Variants in ARMH3 observed in about 807,000 individuals in gnomAD.
ARMH3 encodes the protein armadillo like helical domain containing 3, also known as armadillo-like helical domain-containing protein 3.
In ARMH3, 60 loss-of-function variants were observed where a neutral mutation model predicts 99.1. The ratio of observed to expected loss-of-function variants is 0.61; its 90% CI spans 0.49 to 0.75. The LOEUF is 0.75. ARMH3 is among the 30% of genes least tolerant of loss of function. ARMH3 has a pLI of 0.00. For missense variants in ARMH3, 679 were observed against 843.1 expected, an observed-to-expected ratio of 0.81 and a Z score of 2.41; for synonymous variants, 285 against 292.8, an observed-to-expected ratio of 0.97 and a Z score of 0.27.
At chr10:102,054,344 A>T (rs1463426584) in intron 1 of ARMH3, among the ~76,000 whole-genome samples, 1 of 151,640 alleles carries the variant, frequency 6.6e-6, no homozygotes, top group Non-Finnish European at 1.5e-5. Context: ...AGCCAAGATC[A>T]TGCCACTGCA....
intron 1 of ARMH3, among the ~76,000 whole-genome samples, chr10:102,054,366 G>A (rs1386696110): frequency 6.6e-6 from 1 of 150,926 alleles, no homozygotes; most frequent in East Asian, 1.9e-4. Context: ...TCCAGCCTGG[G>A]CGACAGAGCG....
chr10:101,956,740 G>A lies in ARMH3; in HGVS notation c.1579-17C>T. The A allele has an allele frequency of 6.2e-7, 1 of 1,611,286 alleles. No homozygotes were observed. Among genetic ancestry groups the A allele is most frequent in the East Asian group, 2.2e-5 (1 of 44,810 alleles). On this transcript the variant is annotated splice_polypyrimidine_tract_variant and intron_variant, in intron 21 of 25. Coordinates refer to ENST00000370033, the MANE Select transcript of ARMH3 (RefSeq NM_024541.3). Reference sequence around the variant, plus strand: ...GTTCACAATCTAAAAAAGAAGGAAAGGCCCATATATAGGCATCAGGCTATG... The same window carrying A: ...GTTCACAATCTAAAAAAGAAGGAAAAGCCCATATATAGGCATCAGGCTATG...
At chr10:101,916,046 C>A (rs541000708) in intron 23 of ARMH3, among the ~76,000 whole-genome samples, 1 of 152,050 alleles carries the variant, frequency 6.6e-6, no homozygotes, top group Admixed American at 6.6e-5. Flanking sequence ...CCTCGTGATC[C>A]GCCCGCCCCG....
At chr10:102,042,559 A>G (rs2067447962) in intron 1 of ARMH3, among the ~76,000 whole-genome samples, 1 of 152,232 alleles carries the variant, frequency 6.6e-6, no homozygotes, top group Admixed American at 6.5e-5. Flanking sequence ...CAGGAAAATC[A>G]GCCAAGGCCT....
intron 1 of ARMH3, among the ~76,000 whole-genome samples, chr10:102,047,831 A>G (rs549165065): frequency 3.3e-5 from 5 of 152,198 alleles, no homozygotes; most frequent in African/African-American, 1.2e-4. Flanking sequence ...GTGATTCTCA[A>G]CTGGTGCAAT....
chr10:101,879,615 G>T (rs866577367), intron 24 of ARMH3, among the ~76,000 whole-genome samples: 33 of 152,246 alleles, frequency 2.2e-4, no homozygotes, highest in Middle Eastern at 6.8e-3. Context: ...GCCTCCAAAA[G>T]TGCTGGGACT....
At chr10:102,029,166 C>T (rs755782810) in intron 5 of ARMH3, among the ~76,000 whole-genome samples, 2 of 152,204 alleles carry the variant, frequency 1.3e-5, no homozygotes, top group Admixed American at 6.5e-5. Flanking sequence ...TGAGCCATGG[C>T]GCCTGGTCAG....
intron 22 of ARMH3, among the ~76,000 whole-genome samples, chr10:101,951,248 C>G (rs1378530143): frequency 6.6e-6 from 1 of 152,084 alleles, no homozygotes; most frequent in Non-Finnish European, 1.5e-5. Flanking sequence ...GCCATAATCC[C>G]AATCAAAACT....
At chr10:101,893,758 G>A (rs184673181) in intron 23 of ARMH3, among the ~76,000 whole-genome samples, 4 of 152,118 alleles carry the variant, frequency 2.6e-5, no homozygotes, top group African/African-American at 7.2e-5. Flanking sequence ...GAGGGAGGGA[G>A]TGAGGGAGAG....
rs538481378 is a variant in ARMH3, at chr10:102,005,936, G to A, written c.1048+604C>T. Among the ~76,000 whole-genome samples the A allele has an allele frequency of 7.2e-5, 11 of 152,296 alleles. No individual in the cohort carries two copies. The East Asian group carries it at 2.1e-3, about 29-fold the overall frequency. On this transcript the variant is annotated intron_variant, in intron 14 of 25. Transcript: ENST00000370033. ...GAGTGGCTGATAGACACATAACAGT[G>A]AGTGAGTGCCAGGTTCACATTCTCA...
intron 24 of ARMH3, among the ~76,000 whole-genome samples, chr10:101,851,509 G>C (rs1209866271): frequency 6.6e-6 from 1 of 152,164 alleles, no homozygotes; most frequent in African/African-American, 2.4e-5. Context: ...TGACAGAAGG[G>C]GGTTGGGGGT....
intron 4 of ARMH3, 135 bp from the exon 5 acceptor site, chr10:102,029,880 C>CTT: frequency 1.1e-6 from 1 of 917,512 alleles, no homozygotes; most frequent in Non-Finnish European, 1.6e-6. Flanking sequence ...AAAACACAGT[C>CTT]TGAGTTTTTT....
intron 10 of ARMH3, 49 bp from the exon 11 acceptor site, chr10:102,011,832 T>C: frequency 2.0e-6 from 3 of 1,493,220 alleles, no homozygotes; most frequent in Non-Finnish European, 2.8e-6. Flanking sequence ...ATCAATTATG[T>C]CTTTGTCCTT....
chr10:101,916,786 T>C (rs758568026), intron 23 of ARMH3, among the ~76,000 whole-genome samples: 1 of 152,218 alleles, frequency 6.6e-6, no homozygotes, highest in Non-Finnish European at 1.5e-5. Context: ...AGCCATCATC[T>C]AGTCTGTTGA....
intron 23 of ARMH3, among the ~76,000 whole-genome samples, chr10:101,902,719 G>C (rs1316272539): frequency 6.6e-6 from 1 of 152,060 alleles, no homozygotes; most frequent in East Asian, 1.9e-4. Context: ...AAAAGGAGGG[G>C]AAACTAGATG....
intron 23 of ARMH3, among the ~76,000 whole-genome samples, chr10:101,923,275 C>A (rs1428398367): frequency 6.6e-6 from 1 of 152,132 alleles, no homozygotes; most frequent in Non-Finnish European, 1.5e-5. Context: ...CTATGTAACA[C>A]TATATTTATA....
At chr10:101,872,564 G>A (rs984227336) in intron 24 of ARMH3, among the ~76,000 whole-genome samples, 2 of 152,100 alleles carry the variant, frequency 1.3e-5, no homozygotes, top group African/African-American at 2.4e-5. Flanking sequence ...GGACGTGGTG[G>A]CACGCACCTG....
intron 23 of ARMH3, among the ~76,000 whole-genome samples, chr10:101,906,757 G>C (rs17114249): frequency 0.012 from 1,864 of 152,294 alleles, 50 homozygotes; most frequent in East Asian, 0.11. Flanking sequence ...TGAAGTACTT[G>C]TGGGACCTCT....
At chr10:101,959,550 A>T (rs563904631) in intron 20 of ARMH3, among the ~76,000 whole-genome samples, 1 of 152,320 alleles carries the variant, frequency 6.6e-6, no homozygotes, top group South Asian at 2.1e-4. Context: ...AGCAGTGGCT[A>T]TGTGGTAATT....
Sources: allele counts gnomAD v4.1 joint callset (sites outside exome capture counted in the v4.1 genomes callset), GRCh38; gene constraint gnomAD v4.1.1; transcripts MANE v1.5; gene names NCBI Gene and HGNC (gene_info 2026-07-23, HGNC 2026-07-21).